Variants in COL4A1 observed in about 807,000 individuals in gnomAD.
The protein encoded by COL4A1 is collagen alpha-1(IV) chain.
In COL4A1, 40 loss-of-function variants were observed where a neutral mutation model predicts 216.6. The observed-to-expected ratio is 0.18, with a 90% CI of 0.14 to 0.24. COL4A1 has a LOEUF of 0.24. COL4A1 is among the 10% of genes least tolerant of loss of function. The pLI, the probability that COL4A1 is intolerant of heterozygous loss-of-function variation, is 1.00. For missense variants in COL4A1, 1,628 were observed against 2,196.8 expected, an observed-to-expected ratio of 0.74 and a Z score of 5.18; for synonymous variants, 839 against 810.7, an observed-to-expected ratio of 1.03 and a Z score of -0.59.
At chr13:110,222,186 G>C (rs1286239228) in intron 2 of COL4A1, among the ~76,000 whole-genome samples, 1 of 151,850 alleles carries the variant, frequency 6.6e-6, no homozygotes, top group Non-Finnish European at 1.5e-5. Flanking sequence ...TGTGAAACAG[G>C]CACATTCACA....
chr13:110,254,972 G>A (rs1882444945), intron 1 of COL4A1, among the ~76,000 whole-genome samples: 1 of 152,254 alleles, frequency 6.6e-6, no homozygotes, highest in Non-Finnish European at 1.5e-5. Flanking sequence ...GACATGAGCT[G>A]TGTTCTCAAG....
intron 1 of COL4A1, among the ~76,000 whole-genome samples, chr13:110,255,435 A>G (rs1322779183): frequency 6.7e-6 from 1 of 148,806 alleles, no homozygotes; most frequent in Non-Finnish European, 1.5e-5. Flanking sequence ...AGTGCAAGGG[A>G]GGGAGGCAGG....
intron 2 of COL4A1, among the ~76,000 whole-genome samples, chr13:110,231,423 T>G (rs920487644): frequency 1.3e-5 from 2 of 152,228 alleles, no homozygotes; most frequent in African/African-American, 4.8e-5. Flanking sequence ...CCACCGCACC[T>G]GAGCGGCTGC....
chr13:110,290,430 T>C (rs2139311022), intron 1 of COL4A1, among the ~76,000 whole-genome samples: 1 of 152,326 alleles, frequency 6.6e-6, no homozygotes, highest in Middle Eastern at 3.4e-3. Context: ...AATCAGTACA[T>C]CTAATGACCA....
At chr13:110,238,625 T>C (rs1237239062) in intron 2 of COL4A1, among the ~76,000 whole-genome samples, 1 of 152,226 alleles carries the variant, frequency 6.6e-6, no homozygotes, top group African/African-American at 2.4e-5. Flanking sequence ...ATGTGATGGT[T>C]TACTCTCGCC....
chr13:110,266,313 C>G (rs11619113), intron 1 of COL4A1, among the ~76,000 whole-genome samples: 12,940 of 152,272 alleles, frequency 0.085, 769 homozygotes, highest in Non-Finnish European at 0.13. Flanking sequence ...GGCAAGCCAC[C>G]GTTCTCCATG....
intron 1 of COL4A1, among the ~76,000 whole-genome samples, chr13:110,286,754 A>G (rs926709502): frequency 6.6e-6 from 1 of 152,172 alleles, no homozygotes; most frequent in Non-Finnish European, 1.5e-5. Flanking sequence ...CTTGCATTAC[A>G]TGGATGCCTG....
At chr13:110,155,056 G>A (rs1876710844) in intron 50 of COL4A1, among the ~76,000 whole-genome samples, 1 of 152,320 alleles carries the variant, frequency 6.6e-6, no homozygotes, top group Admixed American at 6.5e-5. Flanking sequence ...AGCTACCTTG[G>A]CTGTGAGCAG....
chr13:110,216,224 A>G (rs908161008), intron 2 of COL4A1, among the ~76,000 whole-genome samples: 2 of 152,110 alleles, frequency 1.3e-5, no homozygotes, highest in African/African-American at 4.8e-5. Context: ...GGAAGGAAAA[A>G]CATTCCCAGA....
intron 1 of COL4A1, among the ~76,000 whole-genome samples, chr13:110,244,506 C>G (rs1400512235): frequency 6.6e-6 from 1 of 152,166 alleles, no homozygotes; most frequent in Non-Finnish European, 1.5e-5. Context: ...GAGATGAGGC[C>G]AAAATCTGTA....
chr13:110,181,310 T>C lies in COL4A1; in HGVS notation c.2175A>G (p.Pro725=). 6.2e-7 allele frequency: 1 copy of C among 1,613,844 alleles called. No homozygotes were observed. The highest frequency in any genetic ancestry group is 1.1e-5 in the South Asian group (1 of 91,068). Residue 725 remains proline (P), a synonymous_variant, in exon 29 of 52, where the codon CCA becomes CCG. Coordinates refer to ENST00000375820, the MANE Select transcript of COL4A1 (RefSeq NM_001845.6). ...CACTCACCTTCTGGCCCTGCACACC[T>C]GGGTTCCCAGGTAAGCCATTAAATC... ...RPGFNGLPGN[P]GVQGQKGEPG...
chr13:110,213,108 A>T (rs1879896708), intron 4 of COL4A1, among the ~76,000 whole-genome samples: 1 of 152,090 alleles, frequency 6.6e-6, no homozygotes, highest in East Asian at 1.9e-4. Flanking sequence ...GGACTTCGGG[A>T]CTCAGGTGGG....
At chr13:110,210,649 C>T (rs139158719) in intron 8 of COL4A1, among the ~76,000 whole-genome samples, 63 of 152,340 alleles carry the variant, frequency 4.1e-4, no homozygotes, top group African/African-American at 1.4e-3. Context: ...GCCAACTTGG[C>T]TAGGCCACAT....
In COL4A1 at chr13:110,179,040, G is replaced by A. The variant is rs767326561; in HGVS notation, c.2345-4C>T. 8.1e-6 allele frequency: 13 copies of A among 1,607,440 alleles called. No homozygotes were observed. In the South Asian group the frequency reaches 1.0e-4, roughly 12 times the overall value. On this transcript the variant is annotated splice_polypyrimidine_tract_variant and splice_region_variant and intron_variant, in intron 30 of 51. Transcript: ENST00000375820. ...AATCCAGGAGGTCCCGGTTCACCTG[G>A]AGAAGAAAAATTGAGAGTAAGCTGT...
intron 2 of COL4A1, among the ~76,000 whole-genome samples, chr13:110,240,526 G>A (rs908269941): frequency 4.6e-5 from 7 of 152,246 alleles, no homozygotes; most frequent in African/African-American, 1.4e-4. Flanking sequence ...TAAGCAGGGC[G>A]CAAGCCCCAC....
intron 39 of COL4A1, 111 bp downstream of exon 39, chr13:110,174,335 G>A: frequency 2.5e-6 from 3 of 1,186,604 alleles, no homozygotes; most frequent in Non-Finnish European, 2.5e-6. Context: ...ATGGGAGACA[G>A]GACAGCTGGC....
chr13:110,200,985 G>GT (rs1449002158), intron 19 of COL4A1, 96 bp from the exon 20 acceptor site: 4 of 1,374,230 alleles, frequency 2.9e-6, no homozygotes. Flanking sequence ...TGGTGCATTG[G>GT]TAAGTGTCCA....
chr13:110,260,535 C>A (rs770704071), intron 1 of COL4A1, among the ~76,000 whole-genome samples: 2 of 152,180 alleles, frequency 1.3e-5, no homozygotes, highest in African/African-American at 4.8e-5. Context: ...CCAAGTGTCA[C>A]CACGGCAAGG....
At chr13:110,263,484 C>T (rs532637226) in intron 1 of COL4A1, among the ~76,000 whole-genome samples, 1 of 152,162 alleles carries the variant, frequency 6.6e-6, no homozygotes, top group African/African-American at 2.4e-5. Flanking sequence ...TATGGGATCT[C>T]GCTCTGTTGC....
Sources: gnomAD v4.1 joint callset for allele counts (sites outside exome capture counted in the v4.1 genomes callset) on GRCh38, gnomAD v4.1.1 for gene constraint, MANE v1.5 for transcripts, NCBI Gene and HGNC (gene_info 2026-07-23, HGNC 2026-07-21) for gene names.